The following SIPA1L1 variants were observed in gnomAD, a reference collection of about 807,000 sequenced individuals.
SIPA1L1 encodes signal induced proliferation associated 1 like 1, also known as signal-induced proliferation-associated 1-like protein 1.
SIPA1L1 carries 26 observed loss-of-function variants against 162.7 expected under a neutral mutation model. That is an observed-to-expected ratio of 0.16 (90% CI 0.12 to 0.22). The LOEUF is 0.22. Among genes scored for constraint, SIPA1L1 ranks in the 10% least tolerant of loss-of-function variants. SIPA1L1 has a pLI of 1.00. For missense variants in SIPA1L1, 1,874 were observed against 2,241.0 expected (o/e 0.84, Z 3.31); for synonymous variants, 829 against 837.4 (o/e 0.99, Z 0.17).
At chr14:71,406,688 A>G (rs1416736681) in intron 2 of SIPA1L1, among the ~76,000 whole-genome samples, 1 of 152,130 alleles carries the variant, frequency 6.6e-6, no homozygotes, top group African/African-American at 2.4e-5. Flanking sequence ...GGATTTTCCC[A>G]TTTTTGAAGT....
chr14:71,495,695 T>C (rs1252664521), intron 2 of SIPA1L1, among the ~76,000 whole-genome samples: 1 of 151,514 alleles, frequency 6.6e-6, no homozygotes, highest in Non-Finnish European at 1.5e-5. Context: ...ACTGTTTAGT[T>C]TCTTAAAGTG....
intron 2 of SIPA1L1, among the ~76,000 whole-genome samples, chr14:71,339,195 G>A (rs1317025865): frequency 6.6e-6 from 1 of 152,176 alleles, no homozygotes; most frequent in Non-Finnish European, 1.5e-5. Context: ...TGAGGATAGA[G>A]ACCATTTCTC....
intron 12 of SIPA1L1, among the ~76,000 whole-genome samples, chr14:71,680,063 C>A (rs1457964378): frequency 6.6e-6 from 1 of 152,188 alleles, no homozygotes; most frequent in Non-Finnish European, 1.5e-5. Context: ...TTGAACTCTG[C>A]ACCAAGTGGG....
At chr14:71,663,595 G>GT (rs1284620694) in intron 10 of SIPA1L1, among the ~76,000 whole-genome samples, 1 of 152,146 alleles carries the variant, frequency 6.6e-6, no homozygotes, top group Admixed American at 6.5e-5. Context: ...AACCACACAA[G>GT]TCTAAACAGA....
At chr14:71,433,225 G>A (rs979203687) in intron 2 of SIPA1L1, among the ~76,000 whole-genome samples, 3 of 152,158 alleles carry the variant, frequency 2.0e-5, no homozygotes, top group Admixed American at 1.3e-4. Flanking sequence ...CCCGTTCAGG[G>A]AACTCAGAGT....
At chr14:71,494,188 G>A (rs761290073) in intron 2 of SIPA1L1, among the ~76,000 whole-genome samples, 5 of 152,150 alleles carry the variant, frequency 3.3e-5, no homozygotes, top group Non-Finnish European at 5.9e-5. Context: ...GACAGTGGAC[G>A]TCCTTGTTTT....
chr14:71,567,456 A>AT lies in SIPA1L1; in HGVS notation c.-302-20104dup, dbSNP rs572759563. ...GCAACGTGGAGAAATCTTGATAGTA[A>AT]TTTTTTTTTTTAAAGTGAGGGAAAG... On this transcript the variant is annotated intron_variant, in intron 4 of 23. Coordinates refer to ENST00000381232, the MANE Select transcript of SIPA1L1 (RefSeq NM_001386936.1). Among the ~76,000 whole-genome samples, 338 of 149,804 alleles carry AT rather than the reference A, an allele frequency of 2.3e-3. 2 individuals are homozygous for AT. Among genetic ancestry groups the AT allele is most frequent in the African/African-American group, 7.3e-3 (299 of 41,042 alleles).
intron 2 of SIPA1L1, among the ~76,000 whole-genome samples, chr14:71,331,864 CA>C (rs1278851311): frequency 6.6e-6 from 1 of 151,734 alleles, no homozygotes; most frequent in East Asian, 1.9e-4. Flanking sequence ...AAAACAAAAA[CA>C]AAAAAACAGA....
At chr14:71,416,077 A>G (rs1393911446) in intron 2 of SIPA1L1, 1 of 152,140 alleles carries the variant, frequency 6.6e-6, no homozygotes, top group African/African-American at 2.4e-5. Flanking sequence ...TAAGTTCTGT[A>G]TACTACCGTG....
intron 2 of SIPA1L1, among the ~76,000 whole-genome samples, chr14:71,442,796 C>T (rs944451033): frequency 1.3e-5 from 2 of 152,000 alleles, no homozygotes; most frequent in African/African-American, 2.4e-5. Context: ...ATTAGCCAAG[C>T]GTGATGGCAT....
Position 71,702,518 on chromosome 14 carries a change from T to C in SIPA1L1, c.3646+13T>C, listed in dbSNP as rs202002004. ...GCTGACCAGATGGGTAAGTAATCAA[T>C]TTCTACAAGAAGAAAGTTGCTTTTA... is the stretch of plus-strand genomic sequence containing the variant. On this transcript the variant is annotated intron_variant, in intron 15 of 23. Transcript: ENST00000381232. 1 of 1,612,642 alleles carries C rather than the reference T, an allele frequency of 6.2e-7. No individual in the cohort carries two copies. Among genetic ancestry groups the C allele is most frequent in the Non-Finnish European group, 8.5e-7 (1 of 1,179,064 alleles).
rs963134494 is a variant in SIPA1L1, at chr14:71,585,533, G to A, written c.-302-2038G>A. 1.1e-4 allele frequency among the ~76,000 whole-genome samples: 17 copies of A among 152,152 alleles called. No homozygotes were observed. In the South Asian group the frequency reaches 2.3e-3, roughly 20 times the overall value. ...TCAGTTTTATTTCTTGTATTTTACT[G>A]CCAGCTTTTAGTTTCCTCCTCTAAT... On this transcript the variant is annotated intron_variant, in intron 4 of 23. Coordinates refer to ENST00000381232, the MANE Select transcript of SIPA1L1 (RefSeq NM_001386936.1).
intron 2 of SIPA1L1, among the ~76,000 whole-genome samples, chr14:71,487,626 G>A (rs2048881066): frequency 6.6e-6 from 1 of 152,132 alleles, no homozygotes; most frequent in South Asian, 2.1e-4. Context: ...ACTACCTAGA[G>A]CTCTCCAGTG....
chr14:71,476,684 T>TATTC (rs570442218), intron 2 of SIPA1L1, among the ~76,000 whole-genome samples: 186 of 141,628 alleles, frequency 1.3e-3, no homozygotes, highest in Non-Finnish European at 2.5e-3. Context: ...TTTATTTATT[T>TATTC]ATTTATTTTT....
At chr14:71,654,153 A>T (rs2042866099) in intron 8 of SIPA1L1, among the ~76,000 whole-genome samples, 1 of 151,978 alleles carries the variant, frequency 6.6e-6, no homozygotes. Flanking sequence ...TCTTTTTCCC[A>T]GTTATCTGTG....
chr14:71,671,149 T>C lies in SIPA1L1; in HGVS notation c.2286T>C (p.Pro762=). The C allele has an allele frequency of 6.2e-7, 1 of 1,612,114 alleles. No individual in the cohort carries two copies. The highest frequency in any genetic ancestry group is 1.1e-5 in the South Asian group (1 of 90,928). ...SVAVTRSRDV[P]SFGPPIPKGV... is the part of the protein sequence containing the mutation. Reference sequence around the variant, plus strand: ...CTGTTACCAGGTCCAGAGATGTGCCTTCCTTTGGGCCTCCCATTCCTAAAG... The same window carrying C: ...CTGTTACCAGGTCCAGAGATGTGCCCTCCTTTGGGCCTCCCATTCCTAAAG... Residue 762 remains proline (P), a synonymous_variant, in exon 11 of 24, where the codon CCT becomes CCC. Coordinates refer to ENST00000381232, the MANE Select transcript of SIPA1L1 (RefSeq NM_001386936.1).
intron 2 of SIPA1L1, among the ~76,000 whole-genome samples, chr14:71,461,027 A>C (rs2046564145): frequency 6.6e-6 from 1 of 152,212 alleles, no homozygotes; most frequent in Non-Finnish European, 1.5e-5. Context: ...CCTTGGTCAG[A>C]GGCAATGGTG....
intron 14 of SIPA1L1, 93 bp from the exon 15 acceptor site, chr14:71,702,288 G>A: frequency 7.2e-6 from 10 of 1,383,540 alleles, no homozygotes; most frequent in Non-Finnish European, 1.0e-5. Flanking sequence ...AGTAGTGCCT[G>A]TCATTAAAAT....
At chr14:71,556,772 T>C (rs7142343) in intron 4 of SIPA1L1, among the ~76,000 whole-genome samples, 127,381 of 152,254 alleles carry the variant, frequency 0.84, 53,895 homozygotes, top group African/African-American at 0.95. Flanking sequence ...TACAAGGAGG[T>C]TTTATTACAT....
Sources: gnomAD v4.1 joint callset for allele counts (sites outside exome capture counted in the v4.1 genomes callset) on GRCh38, gnomAD v4.1.1 for gene constraint, MANE v1.5 for transcripts, NCBI Gene and HGNC (gene_info 2026-07-23, HGNC 2026-07-21) for gene names.